Variants in MECOM observed in about 807,000 individuals in gnomAD.
MECOM encodes the protein MDS1 and EVI1 complex locus, also known as histone-lysine N-methyltransferase MECOM.
MECOM carries 13 observed loss-of-function variants against 116.3 expected under a neutral mutation model. The observed-to-expected ratio is 0.11, with a 90% confidence interval of 0.07 to 0.18. MECOM has a LOEUF of 0.18. Among genes scored for constraint, MECOM ranks in the 10% least tolerant of loss-of-function variants. The pLI is 1.00. For synonymous variants in MECOM, 528 were observed against 535.2 expected (o/e 0.99, Z 0.19); for missense variants, 1,299 against 1,509.0 (o/e 0.86, Z 2.31).
Position 169,323,196 on chromosome 3 carries a change from T to C in MECOM, c.375+57991A>G, listed in dbSNP as rs547166681. ...CAACTGTTACTGAAACCAGGAGAGT[T>C]ATCCTCCCTAGGATCTACCTTGACC... On this transcript the variant is annotated intron_variant, in intron 2 of 16. Transcript: ENST00000651503. Among the ~76,000 whole-genome samples the C allele has an allele frequency of 1.3e-4, 20 of 152,176 alleles. No homozygotes were observed. In the South Asian group the frequency reaches 3.7e-3, roughly 28 times the overall value.
chr3:169,131,425 T>C lies in MECOM; in HGVS notation c.613+4A>G, dbSNP rs1329734058. 6.2e-7 allele frequency: 1 copy of C among 1,613,056 alleles called. No homozygotes were observed. The highest frequency in any genetic ancestry group is 1.1e-5 in the South Asian group (1 of 91,046). ...ATAAGGAGGGTGGCGTGAGTGGTACTAACCGTGGATATCCGGCGCCATAGT... is the reference window on the plus strand; with the variant it reads ...ATAAGGAGGGTGGCGTGAGTGGTACCAACCGTGGATATCCGGCGCCATAGT... On this transcript the variant is annotated splice_donor_region_variant and intron_variant, in intron 4 of 16. Coordinates refer to ENST00000651503, the MANE Select transcript of MECOM (RefSeq NM_004991.4).
intron 1 of MECOM, among the ~76,000 whole-genome samples, chr3:169,628,896 G>A (rs1771725654): frequency 6.6e-6 from 1 of 152,078 alleles, no homozygotes; most frequent in South Asian, 2.1e-4. Context: ...AATTCAGAGT[G>A]GGGCAATTTG....
chr3:169,103,523 A>G (rs1724302817), intron 10 of MECOM, among the ~76,000 whole-genome samples: 1 of 152,214 alleles, frequency 6.6e-6, no homozygotes, highest in African/African-American at 2.4e-5. Flanking sequence ...TGCATTACAT[A>G]AAAATCTCAA....
chr3:169,428,899 G>C (rs1741153395), intron 1 of MECOM, among the ~76,000 whole-genome samples: 1 of 152,094 alleles, frequency 6.6e-6, no homozygotes, highest in South Asian at 2.1e-4. Flanking sequence ...AAAAATAAAA[G>C]AAAGGTGCAA....
intron 1 of MECOM, among the ~76,000 whole-genome samples, chr3:169,615,597 C>A (rs1769900338): frequency 6.6e-6 from 1 of 152,166 alleles, no homozygotes; most frequent in African/African-American, 2.4e-5. Flanking sequence ...AGAGATGGAC[C>A]TACTTCATAC....
chr3:169,173,605 G>A (rs112775375), intron 2 of MECOM, among the ~76,000 whole-genome samples: 12 of 152,190 alleles, frequency 7.9e-5, no homozygotes, highest in East Asian at 5.8e-4. Flanking sequence ...AAGCTTTGTC[G>A]ATTGCATTTC....
At chr3:169,468,882 T>A (rs1346471051) in intron 1 of MECOM, among the ~76,000 whole-genome samples, 1 of 152,166 alleles carries the variant, frequency 6.6e-6, no homozygotes, top group Non-Finnish European at 1.5e-5. Context: ...CTGTGCCTGC[T>A]AGGCAGACTG....
chr3:169,155,486 T>C (rs890064937), intron 2 of MECOM, among the ~76,000 whole-genome samples: 3 of 152,152 alleles, frequency 2.0e-5, no homozygotes, highest in Admixed American at 6.6e-5. Flanking sequence ...GCTATTGTCC[T>C]TTTAGGCCTG....
chr3:169,553,569 C>T (rs1761663205), intron 1 of MECOM, among the ~76,000 whole-genome samples: 1 of 152,206 alleles, frequency 6.6e-6, no homozygotes, highest in South Asian at 2.1e-4. Flanking sequence ...TTCCTGGGCT[C>T]ATAGGTAGAT....
intron 2 of MECOM, among the ~76,000 whole-genome samples, chr3:169,184,317 G>A (rs1746433223): frequency 6.6e-6 from 1 of 152,100 alleles, no homozygotes; most frequent in Admixed American, 6.6e-5. Flanking sequence ...ACTTCAAAGG[G>A]AGAAAATGAA....
intron 1 of MECOM, among the ~76,000 whole-genome samples, chr3:169,417,805 T>C (rs996112622): frequency 2.6e-5 from 4 of 152,016 alleles, no homozygotes; most frequent in Non-Finnish European, 4.4e-5. Flanking sequence ...ATGTCCTTTG[T>C]AGGGACACGG....
intron 2 of MECOM, among the ~76,000 whole-genome samples, chr3:169,214,207 C>T (rs1051066107): frequency 6.6e-6 from 1 of 151,896 alleles, no homozygotes; most frequent in African/African-American, 2.4e-5. Context: ...CATGTATGAA[C>T]ATCAGTGGAA....
intron 1 of MECOM, among the ~76,000 whole-genome samples, chr3:169,485,974 A>G (rs1163141642): frequency 0.049 from 2,244 of 45,514 alleles, 47 homozygotes; most frequent in African/African-American, 0.08. Context: ...CTATATATAC[A>G]TATATATATA....
At position 169,438,845 on chromosome 3, in the gene MECOM, A is replaced by G. The variant is rs562640188; in HGVS notation, c.38-57321T>C. Among the ~76,000 whole-genome samples, 4 of 152,308 alleles carry G rather than the reference A, an allele frequency of 2.6e-5. No individual in the cohort carries two copies. The South Asian group carries it at 6.2e-4, about 24-fold the overall frequency. On this transcript the variant is annotated intron_variant, in intron 1 of 16. Coordinates refer to ENST00000651503, the MANE Select transcript of MECOM (RefSeq NM_004991.4). ...TTTTTATTAATCTTCTGTCCATAGTATTTATTAATTCATTATTTTCAACCA... is the reference window on the plus strand; with the variant it reads ...TTTTTATTAATCTTCTGTCCATAGTGTTTATTAATTCATTATTTTCAACCA...
chr3:169,309,575 C>G (rs368543982), intron 2 of MECOM, among the ~76,000 whole-genome samples: 1 of 152,142 alleles, frequency 6.6e-6, no homozygotes, highest in East Asian at 1.9e-4. Flanking sequence ...ATTTTTACAG[C>G]TTTTCATTAC....
intron 10 of MECOM, among the ~76,000 whole-genome samples, chr3:169,105,407 T>C (rs1282870762): frequency 6.6e-6 from 1 of 152,108 alleles, no homozygotes; most frequent in Non-Finnish European, 1.5e-5. Flanking sequence ...CACGTGATGT[T>C]CCTCCAAAAG....
At chr3:169,175,342 A>G (rs1264930136) in intron 2 of MECOM, among the ~76,000 whole-genome samples, 2 of 152,180 alleles carry the variant, frequency 1.3e-5, no homozygotes, top group Non-Finnish European at 2.9e-5. Flanking sequence ...TTGTCCTTAT[A>G]TAGGTGGCTA....
intron 5 of MECOM, among the ~76,000 whole-genome samples, chr3:169,127,461 G>A (rs544133362): frequency 7.9e-5 from 12 of 152,200 alleles, no homozygotes; most frequent in Admixed American, 2.6e-4. Flanking sequence ...GTGAATACCA[G>A]ATCTAGTCCT....
At chr3:169,321,938 A>G (rs773915601) in intron 2 of MECOM, among the ~76,000 whole-genome samples, 2 of 152,210 alleles carry the variant, frequency 1.3e-5, no homozygotes, top group African/African-American at 2.4e-5. Context: ...GAGCCACCGA[A>G]GTGATTTTTT....
Sources: gnomAD v4.1 joint callset for allele counts (sites outside exome capture counted in the v4.1 genomes callset) on GRCh38, gnomAD v4.1.1 for gene constraint, MANE v1.5 for transcripts, NCBI Gene and HGNC (gene_info 2026-07-23, HGNC 2026-07-21) for gene names.